The following SRBD1 variants were observed in gnomAD, a reference collection of about 807,000 sequenced individuals.
SRBD1 encodes the protein S1 RNA-binding domain-containing protein 1.
In SRBD1, 88 loss-of-function variants were observed where a neutral mutation model predicts 115.3. The ratio of observed to expected loss-of-function variants is 0.76; its 90% confidence interval spans 0.64 to 0.91. SRBD1 has a LOEUF of 0.91. Among genes scored for constraint, SRBD1 ranks in the 40% least tolerant of loss-of-function variants. SRBD1 has a pLI of 0.00. For synonymous variants in SRBD1, 509 were observed against 407.7 expected, an observed-to-expected ratio of 1.25 and a Z score of -2.99; for missense variants, 1,385 against 1,177.4, an observed-to-expected ratio of 1.18 and a Z score of -2.58.
At position 45,562,525 on chromosome 2, in the gene SRBD1, C is replaced by T. The variant is rs532413395; in HGVS notation, c.1409+128G>A. 4.3e-5 allele frequency: 29 copies of T among 668,958 alleles called. No individual in the cohort carries two copies. In the African/African-American group the frequency reaches 5.4e-4, roughly 12 times the overall value. 41.4% of individuals were successfully genotyped at this position (668,958 alleles called of 1,614,324 possible). ...GGGATTACAGGCGTGAGCCACCGCGCCCGGCCTGTCACTGGCTTTTTAAAA... is the reference window on the plus strand; with the variant it reads ...GGGATTACAGGCGTGAGCCACCGCGTCCGGCCTGTCACTGGCTTTTTAAAA... On this transcript the variant is annotated intron_variant, in intron 10 of 20. Transcript: ENST00000263736.
intron 14 of SRBD1, among the ~76,000 whole-genome samples, chr2:45,492,217 T>C (rs564012476): frequency 4.8e-4 from 73 of 152,330 alleles, no homozygotes; most frequent in African/African-American, 1.7e-3. Flanking sequence ...ATAAAAGATA[T>C]ACGTTTAAAT....
chr2:45,536,132 C>A (rs1469547463), intron 14 of SRBD1, among the ~76,000 whole-genome samples: 3 of 151,758 alleles, frequency 2.0e-5, no homozygotes, highest in Admixed American at 1.3e-4. Flanking sequence ...ACTGAGAACA[C>A]AACAGAATAT....
chr2:45,443,463 G>A (rs564493247), intron 16 of SRBD1, among the ~76,000 whole-genome samples: 1 of 151,990 alleles, frequency 6.6e-6, no homozygotes, highest in South Asian at 2.1e-4. Flanking sequence ...TTGGTGGGGG[G>A]GATTAGTGGA....
At chr2:45,509,983 C>A (rs1348633809) in intron 14 of SRBD1, among the ~76,000 whole-genome samples, 1 of 152,166 alleles carries the variant, frequency 6.6e-6, no homozygotes, top group Non-Finnish European at 1.5e-5. Context: ...GATCCTCTCA[C>A]CTTGGCCTCC....
intron 14 of SRBD1, among the ~76,000 whole-genome samples, chr2:45,490,311 C>A (rs532688683): frequency 6.6e-6 from 1 of 152,230 alleles, no homozygotes; most frequent in African/African-American, 2.4e-5. Flanking sequence ...ATCAGAACTG[C>A]ATGTAAAATG....
intron 7 of SRBD1, 74 bp downstream of exon 7, chr2:45,579,800 GT>G: frequency 7.0e-7 from 1 of 1,431,444 alleles, no homozygotes; most frequent in African/African-American, 1.5e-5. Context: ...TAACAAAACA[GT>G]TTTTTAACAT....
intron 10 of SRBD1, among the ~76,000 whole-genome samples, chr2:45,556,448 CTTTT>C (rs59284495): frequency 1.4e-4 from 11 of 78,834 alleles, no homozygotes; most frequent in Non-Finnish European, 1.8e-4. Flanking sequence ...TGCTCTATTA[CTTTT>C]TTTTTTTTTT....
intron 16 of SRBD1, among the ~76,000 whole-genome samples, chr2:45,444,779 T>A (rs1258221837): frequency 2.0e-5 from 3 of 152,210 alleles, no homozygotes; most frequent in African/African-American, 7.2e-5. Flanking sequence ...TGCACTGGCA[T>A]CAGAAGCCAC....
chr2:45,561,532 G>A (rs1246581933), intron 10 of SRBD1, among the ~76,000 whole-genome samples: 2 of 152,134 alleles, frequency 1.3e-5, no homozygotes, highest in African/African-American at 4.8e-5. Context: ...ATCATTCCTA[G>A]CAATCTCTTT....
At chr2:45,554,854 C>T (rs1224319965) in intron 10 of SRBD1, among the ~76,000 whole-genome samples, 3 of 152,108 alleles carry the variant, frequency 2.0e-5, no homozygotes, top group African/African-American at 2.4e-5. Flanking sequence ...TATAGCTCCC[C>T]TTAACTGCTC....
chr2:45,597,617 G>C (rs1673944460), intron 4 of SRBD1, among the ~76,000 whole-genome samples: 1 of 152,148 alleles, frequency 6.6e-6, no homozygotes, highest in Non-Finnish European at 1.5e-5. Flanking sequence ...ACACCAGATA[G>C]AGAGAAAACT....
At chr2:45,590,538 C>T (rs546840777) in intron 4 of SRBD1, among the ~76,000 whole-genome samples, 2 of 152,268 alleles carry the variant, frequency 1.3e-5, no homozygotes, top group Admixed American at 6.5e-5. Context: ...GGGTGGTTTT[C>T]CCCATGCTGT....
intron 16 of SRBD1, among the ~76,000 whole-genome samples, chr2:45,432,741 C>G (rs1572634905): frequency 6.6e-6 from 1 of 152,166 alleles, no homozygotes; most frequent in East Asian, 1.9e-4. Context: ...GTTACTTAAA[C>G]AGTCTCTCTT....
At chr2:45,479,188 C>T (rs1204427059) in intron 15 of SRBD1, among the ~76,000 whole-genome samples, 6 of 152,088 alleles carry the variant, frequency 3.9e-5, no homozygotes, top group Non-Finnish European at 2.9e-5. Flanking sequence ...CTCCCTATTC[C>T]CCGACACACA....
chr2:45,567,022 T>G (rs1298464840), intron 9 of SRBD1, among the ~76,000 whole-genome samples: 1 of 152,162 alleles, frequency 6.6e-6, no homozygotes, highest in Non-Finnish European at 1.5e-5. Context: ...AACAAAAACT[T>G]AGACTTCCTA....
At chr2:45,432,548 A>G (rs1668372556) in intron 16 of SRBD1, among the ~76,000 whole-genome samples, 1 of 152,186 alleles carries the variant, frequency 6.6e-6, no homozygotes. Flanking sequence ...TGTCTTTAAG[A>G]AGCTCCATTT....
At chr2:45,514,790 T>C (rs1671070979) in intron 14 of SRBD1, among the ~76,000 whole-genome samples, 1 of 152,194 alleles carries the variant, frequency 6.6e-6, no homozygotes, top group South Asian at 2.1e-4. Context: ...ATAAATACTT[T>C]TGAAAGTGTT....
At chr2:45,526,806 A>G (rs1671456463) in intron 14 of SRBD1, among the ~76,000 whole-genome samples, 1 of 151,916 alleles carries the variant, frequency 6.6e-6, no homozygotes, top group Non-Finnish European at 1.5e-5. Context: ...AGGAAGAAAA[A>G]TCAAGTTATA....
chr2:45,576,907 A>C (rs1308307796), intron 7 of SRBD1, among the ~76,000 whole-genome samples: 2 of 152,238 alleles, frequency 1.3e-5, no homozygotes, highest in African/African-American at 4.8e-5. Flanking sequence ...GGGGAATATA[A>C]TTTGAAACTT....
Sources: gnomAD v4.1 joint callset for allele counts (sites outside exome capture counted in the v4.1 genomes callset) on GRCh38, gnomAD v4.1.1 for gene constraint, MANE v1.5 for transcripts, NCBI Gene and HGNC (gene_info 2026-07-23, HGNC 2026-07-21) for gene names.